The following ABHD10 variants were observed in gnomAD, a reference collection of about 807,000 sequenced individuals.
The protein encoded by ABHD10 is palmitoyl-protein thioesterase ABHD10, mitochondrial.
Under a neutral mutation model 33.1 loss-of-function variants are expected in ABHD10, and 22 were observed. That is an observed-to-expected ratio of 0.66 (90% CI 0.47 to 0.95). ABHD10 has a LOEUF of 0.95. Among genes scored for constraint, ABHD10 ranks in the 40% least tolerant of loss-of-function variants. The probability of loss-of-function intolerance (pLI) is 0.00; values close to 1 mark genes in which losing one functional copy is unlikely to be tolerated. For missense variants in ABHD10, 352 were observed against 379.9 expected (o/e 0.93, Z 0.61); for synonymous variants, 146 against 133.9 (o/e 1.09, Z -0.62).
chr3:111,979,521 A>C (rs1393548806), intron 1 of ABHD10, among the ~76,000 whole-genome samples: 1 of 152,262 alleles, frequency 6.6e-6, no homozygotes. Flanking sequence ...CATTTAATGC[A>C]TTATTATTAG....
rs971512908 is a variant in ABHD10, at chr3:111,979,213, C to G, written c.142+10C>G. 1.9e-6 allele frequency: 3 copies of G among 1,590,508 alleles called. No individual in the cohort carries two copies. The South Asian group carries it at 3.3e-5, about 18-fold the overall frequency. On this transcript the variant is annotated intron_variant, in intron 1 of 4. Transcript: ENST00000273359. ...CCACGGTGGCTCCCAGGTCAGTGTC[C>G]GAAAGGCGGGAGTAGGATGCGTTCT...
intron 4 of ABHD10, chr3:111,990,559 AAG>A: frequency 3.0e-6 from 1 of 333,020 alleles, no homozygotes; most frequent in East Asian, 4.4e-5. Context: ...TATAAAAAAT[AAG>A]AGTTCTCAAA....
chr3:111,981,677 A>G, intron 1 of ABHD10, 107 bp from the exon 2 acceptor site: 4 of 1,018,430 alleles, frequency 3.9e-6, no homozygotes, highest in South Asian at 2.5e-5. Flanking sequence ...TGGAAATAGT[A>G]TTTAACATCA....
Position 111,991,585 on chromosome 3 carries a change from A to G in ABHD10, c.785A>G (p.Asp262Gly), listed in dbSNP as rs1314203045. The change falls in exon 5 of 5, where the codon GAT becomes GGT. Residue 262 changes from aspartate to glycine, a missense_variant. Transcript: ENST00000273359. ...TGGCATACATCAATGCAGGTTGCCGATCGAGTACTCAGCACAGATGTGGAT... is the reference window on the plus strand; with the variant it reads ...TGGCATACATCAATGCAGGTTGCCGGTCGAGTACTCAGCACAGATGTGGAT... ...VPWHTSMQVA[D>G]RVLSTDVDVI... is the part of the protein sequence containing the mutation. The G allele has an allele frequency of 3.7e-6, 6 of 1,614,054 alleles. No individual in the cohort carries two copies. The highest frequency in any genetic ancestry group is 5.1e-6 in the Non-Finnish European group (6 of 1,180,008).
At position 111,979,152 on chromosome 3, in the gene ABHD10, C is replaced by T. The variant is rs760662606; in HGVS notation, c.91C>T (p.Leu31Phe). The T allele has an allele frequency of 2.5e-6, 4 of 1,612,912 alleles. No individual in the cohort carries two copies. Among genetic ancestry groups the T allele is most frequent in the South Asian group, 2.2e-5 (2 of 91,048 alleles). ...AAVPFGPHRG[L>F]SVLLARIPQR... The stretch of plus-strand genomic sequence containing the variant: ...CGTCCCCTTCGGTCCCCACCGTGGC[C>T]TCAGCGTGCTGCTTGCACGGATACC... Residue 31 changes from leucine to phenylalanine, a missense_variant, in exon 1 of 5, where the codon CTC becomes TTC. By Grantham distance (22) the Leu-to-Phe change is conservative (BLOSUM62 0). Coordinates refer to ENST00000273359, the MANE Select transcript of ABHD10 (RefSeq NM_018394.4).
intron 4 of ABHD10, among the ~76,000 whole-genome samples, 196 bp from the exon 5 acceptor site, chr3:111,991,181 C>A (rs2107714259): frequency 6.6e-6 from 1 of 152,198 alleles, no homozygotes; most frequent in African/African-American, 2.4e-5. Context: ...TTATCAGAAT[C>A]TTATGGAATA....
chr3:111,982,567 A>C (rs752585568), intron 2 of ABHD10, among the ~76,000 whole-genome samples: 3 of 152,160 alleles, frequency 2.0e-5, no homozygotes, highest in Non-Finnish European at 1.5e-5. Context: ...TGTCCAGAAG[A>C]GATGGTATGA....
At position 111,991,781 on chromosome 3, in the gene ABHD10, A is replaced by T; in HGVS notation, c.*60A>T. ...TCCAGAAGATTGGAAGAGGGATAAG[A>T]AATGAAAGATCCTGATACTTTAGGT... On this transcript the variant is annotated 3_prime_UTR_variant, in exon 5 of 5. Coordinates refer to ENST00000273359, the MANE Select transcript of ABHD10 (RefSeq NM_018394.4). 1 of 1,319,962 alleles carries T rather than the reference A, an allele frequency of 7.6e-7. No individual in the cohort carries two copies. Among genetic ancestry groups the T allele is most frequent in the South Asian group, 1.4e-5 (1 of 72,410 alleles). 81.8% of individuals were successfully genotyped at this position (1,319,962 alleles called of 1,614,324 possible).
rs1023189356 is a variant in ABHD10, at chr3:111,993,290, C to T, written c.*1569C>T. The T allele has an allele frequency of 6.6e-6, 1 of 152,064 alleles. No individual in the cohort carries two copies. Among genetic ancestry groups the T allele is most frequent in the Non-Finnish European group, 1.5e-5 (1 of 68,072 alleles). 9.4% of individuals were successfully genotyped at this position (152,064 alleles called of 1,614,324 possible). On this transcript the variant is annotated 3_prime_UTR_variant, in exon 5 of 5. Transcript: ENST00000273359. Reference sequence around the variant, plus strand: ...TGCACTTAGTTTCCCCTGACTTCACCCCATGTGTCTTTTTTCCTTTGCTGA... The same window carrying T: ...TGCACTTAGTTTCCCCTGACTTCACTCCATGTGTCTTTTTTCCTTTGCTGA...
chr3:111,980,940 A>G (rs2072575949), intron 1 of ABHD10, among the ~76,000 whole-genome samples: 1 of 152,178 alleles, frequency 6.6e-6, no homozygotes, highest in Admixed American at 6.5e-5. Flanking sequence ...TAAAAAGGGC[A>G]CAGCACGTCC....
In ABHD10 at chr3:111,979,127, C is replaced by G; in HGVS notation, c.66C>G (p.Ala22=). 2.5e-6 allele frequency: 4 copies of G among 1,613,400 alleles called. No homozygotes were observed. Among genetic ancestry groups the G allele is most frequent in the Non-Finnish European group, 3.4e-6 (4 of 1,179,880 alleles). The change falls in exon 1 of 5, where the codon GCC becomes GCG. Residue 22 remains alanine, a synonymous_variant. Coordinates refer to ENST00000273359, the MANE Select transcript of ABHD10 (RefSeq NM_018394.4). ...WVPCRSWGWA[A]VPFGPHRGLS... ...CTTGTCGGAGCTGGGGCTGGGCAGC[C>G]GTCCCCTTCGGTCCCCACCGTGGCC... is the stretch of plus-strand genomic sequence containing the variant.
Position 111,980,229 on chromosome 3 carries a change from T to C in ABHD10, c.142+1026T>C, listed in dbSNP as rs1293113271. Among the ~76,000 whole-genome samples, 5 of 152,218 alleles carry C rather than the reference T, an allele frequency of 3.3e-5. No homozygotes were observed. In the East Asian group the frequency reaches 7.7e-4, roughly 23 times the overall value. ...GGAAGAGGATAGTGAGAATTTTTTTTAGTGCTCAGCTGAGTAGATGGGAAA... is the reference window on the plus strand; with the variant it reads ...GGAAGAGGATAGTGAGAATTTTTTTCAGTGCTCAGCTGAGTAGATGGGAAA... On this transcript the variant is annotated intron_variant, in intron 1 of 4. Transcript: ENST00000273359.
chr3:111,986,302 CAG>C lies in ABHD10; in HGVS notation c.368_369del (p.Glu123GlyfsTer16). On this transcript the variant is annotated frameshift_variant, in exon 3 of 5. Coordinates refer to ENST00000273359, the MANE Select transcript of ABHD10 (RefSeq NM_018394.4). LOFTEE classifies it high-confidence loss of function. ...GGAGTTGGAAGTTCAGATGGTAACT[CAG>C]AGGAAAGCACACTGGGGAAATGGAG... The C allele has an allele frequency of 6.2e-7, 1 of 1,613,918 alleles. No homozygotes were observed. The highest frequency in any genetic ancestry group is 8.5e-7 in the Non-Finnish European group (1 of 1,179,924).
chr3:111,990,174 T>C (rs923152694), intron 4 of ABHD10, among the ~76,000 whole-genome samples: 2 of 152,030 alleles, frequency 1.3e-5, no homozygotes, highest in Non-Finnish European at 2.9e-5. Flanking sequence ...AAATAAACTT[T>C]TATGCTCAAA....
intron 2 of ABHD10, among the ~76,000 whole-genome samples, chr3:111,984,568 T>C (rs2072629187): frequency 6.6e-6 from 1 of 152,120 alleles, no homozygotes; most frequent in Non-Finnish European, 1.5e-5. Context: ...AGTACTACTG[T>C]AAAATTTAGT....
At chr3:111,987,176 C>CTT in intron 4 of ABHD10, 125 bp downstream of exon 4, 4 of 1,069,826 alleles carry the variant, frequency 3.7e-6, no homozygotes, top group Non-Finnish European at 5.3e-6. Flanking sequence ...GCTGGCCCAA[C>CTT]TTTTGTCTTA....
chr3:111,988,269 A>T (rs1187548221), intron 4 of ABHD10, among the ~76,000 whole-genome samples: 2 of 151,974 alleles, frequency 1.3e-5, no homozygotes, highest in African/African-American at 4.8e-5. Context: ...CAGGTTTCTC[A>T]TATTATTTCC....
chr3:111,991,727 CAT>C lies in ABHD10; in HGVS notation c.*7_*8del, dbSNP rs1268588702. Reference sequence around the variant, plus strand: ...TCTCAACTATAGTTAACTAGTATCACATGTTTAGTTGGTATGTAAACTAATGT... The same window carrying C: ...TCTCAACTATAGTTAACTAGTATCACGTTTAGTTGGTATGTAAACTAATGT... On this transcript the variant is annotated 3_prime_UTR_variant, in exon 5 of 5. Transcript: ENST00000273359. The C allele has an allele frequency of 1.3e-6, 2 of 1,596,140 alleles. No homozygotes were observed. The highest frequency in any genetic ancestry group is 1.1e-5 in the South Asian group (1 of 89,942).
chr3:111,991,382 A>C lies in ABHD10; in HGVS notation c.582A>C (p.Lys194Asn). The change falls in exon 5 of 5, where the codon AAA becomes AAC. Residue 194 changes from lysine to asparagine, a missense_variant. By Grantham distance (94) the Lys-to-Asn change is moderately conservative (BLOSUM62 0). Coordinates refer to ENST00000273359, the MANE Select transcript of ABHD10 (RefSeq NM_018394.4). ...TTTCTTTCTTTTTCCAATAGCTAAA[A>C]AAGGAAGTAGAGATGAAAGGTGTGT... ...TKFNQLPVELKKEVEMKGVWS... is the reference protein window; with the variant it reads ...TKFNQLPVELNKEVEMKGVWS... The C allele has an allele frequency of 1.3e-5, 20 of 1,594,794 alleles. No homozygotes were observed. Among genetic ancestry groups the C allele is most frequent in the Non-Finnish European group, 1.7e-5 (20 of 1,175,664 alleles).
Sources: allele counts gnomAD v4.1 joint callset (sites outside exome capture counted in the v4.1 genomes callset), GRCh38; gene constraint gnomAD v4.1.1; transcripts MANE v1.5; gene names NCBI Gene and HGNC (gene_info 2026-07-23, HGNC 2026-07-21).